The following TNS1 variants were observed in gnomAD, a reference collection of about 807,000 sequenced individuals.
The protein encoded by TNS1 is tensin 1.
A neutral mutation model predicts 168.6 loss-of-function variants in TNS1; 62 were observed. The observed-to-expected ratio is 0.37, with a 90% CI of 0.30 to 0.45. The LOEUF is 0.45. TNS1 is among the 20% of genes least tolerant of loss of function. The pLI, the probability that TNS1 is intolerant of heterozygous loss-of-function variation, is 1.00. For missense variants in TNS1, 2,240 were observed against 2,339.4 expected (o/e 0.96, Z 0.88); for synonymous variants, 934 against 933.2 (o/e 1.00, Z -0.02).
chr2:218,001,267 G>A (rs978112956), intron 1 of TNS1, among the ~76,000 whole-genome samples: 1 of 152,052 alleles, frequency 6.6e-6, no homozygotes, highest in Non-Finnish European at 1.5e-5. Context: ...ACACCCATAG[G>A]GCACTCTACC....
At chr2:217,831,705 C>T (rs1944451340) in intron 21 of TNS1, among the ~76,000 whole-genome samples, 158 bp from the exon 22 acceptor site, 1 of 152,146 alleles carries the variant, frequency 6.6e-6, no homozygotes, top group Non-Finnish European at 1.5e-5. Context: ...CTGCCCTTTC[C>T]CGCCTCCGTA....
chr2:218,022,693 C>A (rs1253177643), intron 1 of TNS1, among the ~76,000 whole-genome samples: 1 of 151,638 alleles, frequency 6.6e-6, no homozygotes, highest in Non-Finnish European at 1.5e-5. Flanking sequence ...CGAGAAATAC[C>A]CAGTCAGTGG....
chr2:217,835,234 C>T (rs934002949), intron 20 of TNS1, 68 bp from the exon 21 acceptor site: 2 of 1,477,720 alleles, frequency 1.4e-6, no homozygotes, highest in Non-Finnish European at 9.3e-7. Flanking sequence ...TTCAGATGAC[C>T]TGAGGTATGA....
At chr2:217,970,757 AG>A in intron 3 of TNS1, among the ~76,000 whole-genome samples, 1 of 152,312 alleles carries the variant, frequency 6.6e-6, no homozygotes, top group East Asian at 1.9e-4. Flanking sequence ...TAAAGGGTAC[AG>A]GGTTTCTTTC....
At chr2:217,997,300 T>C (rs1011882207) in intron 1 of TNS1, among the ~76,000 whole-genome samples, 1 of 152,236 alleles carries the variant, frequency 6.6e-6, no homozygotes, top group African/African-American at 2.4e-5. Context: ...ACAGTCATTC[T>C]ACTGCCCCAA....
intron 1 of TNS1, among the ~76,000 whole-genome samples, chr2:217,991,447 C>A (rs1390021704): frequency 6.6e-6 from 1 of 152,180 alleles, no homozygotes; most frequent in African/African-American, 2.4e-5. Flanking sequence ...CCCGAAGACT[C>A]CCTCATGGCT....
chr2:217,900,547 G>A (rs977854338), intron 6 of TNS1, 35 bp from the exon 7 acceptor site: 10 of 1,533,282 alleles, frequency 6.5e-6, no homozygotes, highest in African/African-American at 5.5e-5. Flanking sequence ...CATTATGCAG[G>A]GGTGGGCAGG....
intron 3 of TNS1, among the ~76,000 whole-genome samples, chr2:217,957,140 CGCCCCCACCCCGGTAAGGCA>C (rs1429479462): frequency 6.6e-6 from 1 of 152,192 alleles, no homozygotes; most frequent in Non-Finnish European, 1.5e-5. Flanking sequence ...CAGGGCGGCC[CGCCCCCACCCCGGTAAGGCA>C]GCTGTGCTTC....
intron 1 of TNS1, among the ~76,000 whole-genome samples, chr2:218,031,288 TGTGTGA>T (rs140821915): frequency 0.2 from 27,132 of 132,844 alleles, 4,759 homozygotes; most frequent in African/African-American, 0.42. Flanking sequence ...CGTGTATGAG[TGTGTGA>T]GTGTGTCTTT....
In TNS1 at chr2:217,817,445, A is replaced by T. The variant is rs540275314; in HGVS notation, c.4642+245T>A. Among the ~76,000 whole-genome samples, 5 of 152,322 alleles carry T rather than the reference A, an allele frequency of 3.3e-5. No homozygotes were observed. In the South Asian group the frequency reaches 1.0e-3, roughly 32 times the overall value. ...GATAATCATAACAGTAATACTATTC[A>T]TTATGATTTTTATCATCCTCATCTG... On this transcript the variant is annotated intron_variant, in intron 24 of 32. Transcript: ENST00000682258.
chr2:217,898,113 C>T (rs1249000312), intron 7 of TNS1, 144 bp from the exon 8 acceptor site: 4 of 984,884 alleles, frequency 4.1e-6, no homozygotes, highest in Non-Finnish European at 5.6e-6. Context: ...AAGGCCAAGG[C>T]CACAGGCTTC....
In TNS1 at chr2:217,892,977, A is replaced by C. The variant is rs760999375; in HGVS notation, c.753T>G (p.Ala251=). 1.2e-5 allele frequency: 20 copies of C among 1,614,094 alleles called. No homozygotes were observed. In the African/African-American group the frequency reaches 1.9e-4, roughly 15 times the overall value. Residue 251 remains alanine, a synonymous_variant, in exon 11 of 33, where the codon GCT becomes GCG. Coordinates refer to ENST00000682258, the MANE Select transcript of TNS1 (RefSeq NM_001387777.1). ...CAGAAATGTTGCTGTAGTGCATGTA[A>C]GCCGCGATGACAACTCCTATCCTGC... ...NRGRIGVVIA[A]YMHYSNISAS... is the part of the protein sequence containing the mutation.
chr2:217,806,682 A>G (rs1034723902), intron 32 of TNS1, among the ~76,000 whole-genome samples: 3 of 152,072 alleles, frequency 2.0e-5, no homozygotes, highest in Non-Finnish European at 2.9e-5. Flanking sequence ...GCTGAACCCC[A>G]CCATCCCACA....
chr2:217,974,458 C>G (rs1166891825), intron 3 of TNS1, among the ~76,000 whole-genome samples: 1 of 152,086 alleles, frequency 6.6e-6, no homozygotes, highest in Non-Finnish European at 1.5e-5. Context: ...TCCTTTTATC[C>G]CTTTATAGGC....
At chr2:217,987,622 A>G (rs1958232698) in intron 2 of TNS1, among the ~76,000 whole-genome samples, 2 of 152,176 alleles carry the variant, frequency 1.3e-5, no homozygotes, top group Admixed American at 6.5e-5. Flanking sequence ...CTCCAGCAGA[A>G]CTTTCTTCAA....
chr2:218,018,785 A>T (rs1166918768), intron 1 of TNS1, among the ~76,000 whole-genome samples: 1 of 152,202 alleles, frequency 6.6e-6, no homozygotes, highest in East Asian at 1.9e-4. Context: ...TGGCCTGGAA[A>T]TCGATGAATT....
At chr2:217,947,812 G>A (rs578127825) in intron 3 of TNS1, among the ~76,000 whole-genome samples, 170 of 152,314 alleles carry the variant, frequency 1.1e-3, no homozygotes, top group Non-Finnish European at 2.0e-3. Context: ...AGGAAGGGGA[G>A]TTCAACCCAG....
At chr2:217,842,263 C>T (rs1399017662) in intron 19 of TNS1, 7 of 578,902 alleles carry the variant, frequency 1.2e-5, no homozygotes, top group African/African-American at 1.9e-5. Context: ...GCCTCTTCTC[C>T]TTAAACTCCT....
intron 7 of TNS1, among the ~76,000 whole-genome samples, chr2:217,900,104 C>T (rs1023093964): frequency 5.3e-5 from 8 of 152,190 alleles, no homozygotes; most frequent in East Asian, 1.9e-4. Context: ...CAGCCCTAAA[C>T]GCAAATCCAA....
Sources: gnomAD v4.1 joint callset for allele counts (sites outside exome capture counted in the v4.1 genomes callset) on GRCh38, gnomAD v4.1.1 for gene constraint, MANE v1.5 for transcripts, NCBI Gene and HGNC (gene_info 2026-07-23, HGNC 2026-07-21) for gene names.